METTL15: variants seen among roughly 807,000 people sequenced by gnomAD.
METTL15 encodes 12S rRNA N(4)-cytidine methyltransferase METTL15.
METTL15 carries 34 observed loss-of-function variants against 38.3 expected under a neutral mutation model. The observed-to-expected ratio is 0.89, with a 90% confidence interval of 0.68 to 1.18. The LOEUF is 1.18. Ranked by LOEUF, METTL15 falls within the 50% of genes most tolerant of loss-of-function variation. METTL15 has a pLI of 0.00. For synonymous variants in METTL15, 162 were observed against 170.9 expected, an observed-to-expected ratio of 0.95 and a Z score of 0.41; for missense variants, 438 against 498.4, an observed-to-expected ratio of 0.88 and a Z score of 1.15.
chr11:28,451,871 T>C (rs1250202443), intron 6 of METTL15, among the ~76,000 whole-genome samples: 2 of 152,172 alleles, frequency 1.3e-5, no homozygotes, highest in Admixed American at 6.5e-5. Context: ...TGATAGAAGG[T>C]AGCCCAGGAG....
chr11:28,213,662 T>C (rs1263325301), intron 4 of METTL15, among the ~76,000 whole-genome samples: 1 of 149,448 alleles, frequency 6.7e-6, no homozygotes, highest in Non-Finnish European at 1.5e-5. Context: ...TTTTTTCTTT[T>C]TTTTTTTTTT....
chr11:28,223,971 T>C (rs1853364413), intron 4 of METTL15, among the ~76,000 whole-genome samples: 1 of 152,064 alleles, frequency 6.6e-6, no homozygotes, highest in Admixed American at 6.6e-5. Flanking sequence ...TTAGAGAATA[T>C]AGGTATGTAT....
At chr11:28,154,771 TG>T (rs768267735) in intron 3 of METTL15, among the ~76,000 whole-genome samples, 29 of 152,142 alleles carry the variant, frequency 1.9e-4, no homozygotes, top group Non-Finnish European at 2.8e-4. Context: ...TTATATAGTA[TG>T]TAGTTAATAA....
intron 5 of METTL15, among the ~76,000 whole-genome samples, chr11:28,398,080 G>T (rs928546658): frequency 6.6e-6 from 1 of 151,912 alleles, no homozygotes; most frequent in African/African-American, 2.4e-5. Context: ...ACACACCAGG[G>T]CCTGTTGTGG....
Position 28,330,471 on chromosome 11 carries a change from T to C in METTL15, c.854T>C (p.Phe285Ser), listed in dbSNP as rs753892525. ...TCTACCCATATTGCCACCAAGACTT[T>C]CCAGGCTCTTCGCATATTTGTGAAC... ...QRSTHIATKT[F>S]QALRIFVNNE... Residue 285 changes from phenylalanine (F) to serine (S), a missense_variant, in exon 7 of 7, where the codon TTC becomes TCC. Phe to Ser is a radical substitution (Grantham distance 155). Transcript: ENST00000407364. 5.8e-6 allele frequency: 9 copies of C among 1,551,596 alleles called. No homozygotes were observed. The South Asian group carries it at 8.3e-5, about 14-fold the overall frequency.
chr11:28,225,306 G>A (rs1016326489), intron 4 of METTL15, among the ~76,000 whole-genome samples: 6 of 151,550 alleles, frequency 4.0e-5, no homozygotes, highest in Non-Finnish European at 7.4e-5. Flanking sequence ...ATTCCATTTT[G>A]CGTTCCTTAT....
intron 5 of METTL15, among the ~76,000 whole-genome samples, chr11:28,391,477 A>G (rs991441081): frequency 4.6e-5 from 7 of 152,178 alleles, no homozygotes; most frequent in African/African-American, 1.7e-4. Flanking sequence ...TTCTGCATCT[A>G]TTGAGATAAT....
At chr11:28,374,580 T>G in intron 5 of METTL15, among the ~76,000 whole-genome samples, 1 of 126,786 alleles carries the variant, frequency 7.9e-6, no homozygotes, top group Non-Finnish European at 1.8e-5. Flanking sequence ...GACGATGGGG[T>G]TTTCTAGATA....
intron 3 of METTL15, among the ~76,000 whole-genome samples, chr11:28,181,460 A>G (rs189803224): frequency 6.6e-6 from 1 of 151,516 alleles, no homozygotes. Flanking sequence ...CCCTGTGTCC[A>G]TGTGTTCTCA....
intron 6 of METTL15, among the ~76,000 whole-genome samples, chr11:28,303,154 G>T (rs1386580514): frequency 6.6e-6 from 1 of 152,066 alleles, no homozygotes; most frequent in South Asian, 2.1e-4. Flanking sequence ...TTCATTCTCC[G>T]GTTACATCAA....
chr11:28,266,570 C>G (rs1855427306), intron 4 of METTL15, among the ~76,000 whole-genome samples: 1 of 152,132 alleles, frequency 6.6e-6, no homozygotes. Context: ...GCCCAAAATC[C>G]TTATAGTCAT....
At chr11:28,353,782 G>A (rs1403680720) in intron 4 of METTL15, among the ~76,000 whole-genome samples, 1 of 151,466 alleles carries the variant, frequency 6.6e-6, no homozygotes, top group Non-Finnish European at 1.5e-5. Flanking sequence ...AAAATTAGCC[G>A]GGCGCGGTGG....
chr11:28,193,770 TC>T (rs1851787308), intron 3 of METTL15, among the ~76,000 whole-genome samples: 1 of 152,126 alleles, frequency 6.6e-6, no homozygotes, highest in African/African-American at 2.4e-5. Context: ...TATAACTATA[TC>T]CCATGTTCAA....
chr11:28,279,352 A>C (rs1855961787), intron 4 of METTL15, among the ~76,000 whole-genome samples: 1 of 151,094 alleles, frequency 6.6e-6, no homozygotes, highest in Non-Finnish European at 1.5e-5. Context: ...TCAATCTGGC[A>C]CTCCTTTTTC....
At chr11:28,379,040 T>G (rs1230116146) in intron 5 of METTL15, among the ~76,000 whole-genome samples, 1 of 152,018 alleles carries the variant, frequency 6.6e-6, no homozygotes, top group Non-Finnish European at 1.5e-5. Flanking sequence ...AATGATACTT[T>G]GTATTTCTGT....
At chr11:28,526,320 G>A (rs111612177) in intron 6 of METTL15, among the ~76,000 whole-genome samples, 44 of 152,356 alleles carry the variant, frequency 2.9e-4, no homozygotes, top group African/African-American at 9.6e-4. Flanking sequence ...CGAGGGCTGC[G>A]AGGGCTGCCA....
At chr11:28,140,473 A>G (rs1849660646) in intron 3 of METTL15, among the ~76,000 whole-genome samples, 1 of 152,136 alleles carries the variant, frequency 6.6e-6, no homozygotes. Context: ...CTGCCTTCAG[A>G]AAAAGTCTGA....
intron 4 of METTL15, among the ~76,000 whole-genome samples, chr11:28,219,971 T>G (rs977083153): frequency 1.3e-5 from 2 of 152,210 alleles, no homozygotes; most frequent in South Asian, 2.1e-4. Context: ...GATGAGTGCT[T>G]TATTTCCAAC....
At chr11:28,207,572 T>C (rs1347219962) in intron 3 of METTL15, among the ~76,000 whole-genome samples, 3 of 152,120 alleles carry the variant, frequency 2.0e-5, no homozygotes, top group Non-Finnish European at 2.9e-5. Flanking sequence ...AAAATTCTCT[T>C]TTTTTGTTGT....
Sources: allele counts gnomAD v4.1 joint callset (sites outside exome capture counted in the v4.1 genomes callset), GRCh38; gene constraint gnomAD v4.1.1; transcripts MANE v1.5; gene names NCBI Gene and HGNC (gene_info 2026-07-23, HGNC 2026-07-21).